The following ANO3 variants were observed in gnomAD, a reference collection of about 807,000 sequenced individuals.
ANO3 encodes anoctamin-3.
Under a neutral mutation model 144.8 loss-of-function variants are expected in ANO3, and 99 were observed. That is an observed-to-expected ratio of 0.68 (90% CI 0.58 to 0.81). The LOEUF (loss-of-function observed/expected upper bound fraction) is 0.81. Among genes scored for constraint, ANO3 ranks in the 30% least tolerant of loss-of-function variants. The pLI is 0.00. For synonymous variants in ANO3, 414 were observed against 392.6 expected (o/e 1.05, Z -0.64); for missense variants, 905 against 1,202.2 (o/e 0.75, Z 3.66).
chr11:26,474,175 A>G lies in ANO3; in HGVS notation c.432+11027A>G, dbSNP rs1354944554. 3.3e-6 allele frequency: 3 copies of G among 903,740 alleles called. No homozygotes were observed. In the African/African-American group the frequency reaches 5.4e-5, roughly 16 times the overall value. The allele number at this position is 903,740 out of a possible 1,614,324, so 56.0% of individuals were successfully genotyped here. On this transcript the variant is annotated intron_variant, in intron 4 of 26. Transcript: ENST00000256737. ...TCTAGGAATTCTATACTATTTTTCTATTTTCTTAAACATATGTAGAGAAGC... is the reference window on the plus strand; with the variant it reads ...TCTAGGAATTCTATACTATTTTTCTGTTTTCTTAAACATATGTAGAGAAGC...
At chr11:26,256,131 T>C (rs1343164831) in intron 1 of ANO3, among the ~76,000 whole-genome samples, 4 of 152,184 alleles carry the variant, frequency 2.6e-5, no homozygotes, top group Admixed American at 2.6e-4. Flanking sequence ...TTCCCTGTAC[T>C]GTGTAAGTTA....
In ANO3 at chr11:26,534,511, G is replaced by A. The variant is rs1372702859; in HGVS notation, c.925G>A (p.Val309Ile). 1 of 1,613,176 alleles carries A rather than the reference G, an allele frequency of 6.2e-7. No individual in the cohort carries two copies. The highest frequency in any genetic ancestry group is 1.1e-5 in the South Asian group (1 of 90,968). Reference sequence around the variant, plus strand: ...CAGCAATGCTACTCGAAGCAGAATAGTCTATCACATGCTGGAACGCACCAA... The same window carrying A: ...CAGCAATGCTACTCGAAGCAGAATAATCTATCACATGCTGGAACGCACCAA... ...FFSNATRSRI[V>I]YHMLERTKYE... Residue 309 changes from valine to isoleucine, a missense_variant, in exon 9 of 27, where the codon GTC (valine) becomes ATC (isoleucine). By Grantham distance (29) the Val-to-Ile change is conservative. Coordinates refer to ENST00000256737, the MANE Select transcript of ANO3 (RefSeq NM_031418.4).
chr11:26,446,876 C>T (rs1858719682), intron 3 of ANO3, among the ~76,000 whole-genome samples: 1 of 152,050 alleles, frequency 6.6e-6, no homozygotes, highest in African/African-American at 2.4e-5. Flanking sequence ...CTGCTGGGCC[C>T]AGAGAGATCT....
intron 4 of ANO3, among the ~76,000 whole-genome samples, chr11:26,481,916 C>T (rs956769591): frequency 6.6e-6 from 1 of 151,934 alleles, no homozygotes; most frequent in Admixed American, 6.6e-5. Context: ...TTTTTGGAGA[C>T]TATGTCTCAC....
intron 1 of ANO3, among the ~76,000 whole-genome samples, chr11:26,359,876 A>AGTGT (rs142194688): frequency 0.048 from 7,237 of 149,406 alleles, 408 homozygotes; most frequent in East Asian, 0.14. Context: ...ATGTCAGACT[A>AGTGT]GTGTGTGTGT....
chr11:26,557,888 G>A (rs1341910721), intron 13 of ANO3, among the ~76,000 whole-genome samples: 8 of 152,050 alleles, frequency 5.3e-5, no homozygotes, highest in African/African-American at 1.4e-4. Context: ...GATCTCCCAC[G>A]TCATAATACA....
chr11:26,635,458 A>T (rs1013237485), intron 20 of ANO3, among the ~76,000 whole-genome samples: 4 of 152,192 alleles, frequency 2.6e-5, no homozygotes, highest in African/African-American at 9.6e-5. Context: ...ATATAAAAGT[A>T]CCTGCCTAAG....
At chr11:26,502,338 A>G (rs1333199589) in intron 4 of ANO3, among the ~76,000 whole-genome samples, 1 of 152,118 alleles carries the variant, frequency 6.6e-6, no homozygotes, top group African/African-American at 2.4e-5. Context: ...TAATTCTACA[A>G]TGTTGGCAAC....
chr11:26,433,549 G>A (rs10767534), intron 1 of ANO3, among the ~76,000 whole-genome samples: 145,570 of 152,246 alleles, frequency 0.96, 69,764 homozygotes, highest in East Asian at 1. Flanking sequence ...GATGGCTCTT[G>A]TTATTTTAAA....
chr11:26,372,140 A>C (rs971184675), intron 1 of ANO3, among the ~76,000 whole-genome samples: 2 of 151,972 alleles, frequency 1.3e-5, no homozygotes, highest in Non-Finnish European at 2.9e-5. Context: ...TAATTGAATC[A>C]TGAGGGTGGT....
intron 5 of ANO3, among the ~76,000 whole-genome samples, chr11:26,513,065 G>GA (rs367977741): frequency 4.9e-4 from 73 of 149,816 alleles, no homozygotes; most frequent in South Asian, 4.2e-4. Flanking sequence ...AAATACTATA[G>GA]AAAAAAAAAG....
chr11:26,391,308 C>A (rs1856872894), intron 1 of ANO3, among the ~76,000 whole-genome samples: 2 of 151,984 alleles, frequency 1.3e-5, no homozygotes, highest in African/African-American at 4.8e-5. Flanking sequence ...AACCTGTTCC[C>A]TGGGTAACTC....
intron 23 of ANO3, among the ~76,000 whole-genome samples, chr11:26,645,849 C>A (rs1324363543): frequency 6.6e-6 from 1 of 151,976 alleles, no homozygotes; most frequent in East Asian, 1.9e-4. Context: ...ACATATACCC[C>A]AGAACCTAAA....
intron 10 of ANO3, among the ~76,000 whole-genome samples, chr11:26,541,719 T>C (rs983980851): frequency 4.6e-5 from 7 of 152,168 alleles, no homozygotes; most frequent in African/African-American, 1.4e-4. Flanking sequence ...TGGGTTCCAT[T>C]GTATTTTTTA....
At position 26,565,803 on chromosome 11, in the gene ANO3, G is replaced by C. The variant is rs293979; in HGVS notation, c.1447+6024G>C. The C allele has an allele frequency of 1.7e-3, 2,817 of 1,611,388 alleles. 48 individuals are homozygous for C. The African/African-American group carries it at 0.033, about 19-fold the overall frequency. ...TTGATTTTCTTTTCCATGGCTCCCC[G>C]ATAGAAGTGAATAAAACAACGTTGA... On this transcript the variant is annotated intron_variant, in intron 14 of 26. Coordinates refer to ENST00000256737, the MANE Select transcript of ANO3 (RefSeq NM_031418.4).
At chr11:26,641,836 C>T in intron 21 of ANO3, 60 bp from the exon 22 acceptor site, 1 of 1,519,310 alleles carries the variant, frequency 6.6e-7, no homozygotes, top group South Asian at 1.4e-5. Flanking sequence ...ATTCACTATA[C>T]ATTGTTAACC....
chr11:26,209,269 T>C (rs898095111), intron 1 of ANO3, among the ~76,000 whole-genome samples: 42 of 152,220 alleles, frequency 2.8e-4, no homozygotes, highest in African/African-American at 9.4e-4. Flanking sequence ...CCTGTGTTAG[T>C]TTGCTGAGAA....
At chr11:26,270,480 T>A (rs1262053695) in intron 1 of ANO3, among the ~76,000 whole-genome samples, 1 of 152,208 alleles carries the variant, frequency 6.6e-6, no homozygotes, top group African/African-American at 2.4e-5. Flanking sequence ...ATACTTTTAT[T>A]CTACGATCAA....
intron 17 of ANO3, among the ~76,000 whole-genome samples, chr11:26,602,028 A>C (rs752989814): frequency 1.3e-5 from 2 of 152,200 alleles, no homozygotes; most frequent in Non-Finnish European, 2.9e-5. Flanking sequence ...GAAAAAGGTC[A>C]TCTATTGCAC....
Sources: gnomAD v4.1 joint callset for allele counts (sites outside exome capture counted in the v4.1 genomes callset) on GRCh38, gnomAD v4.1.1 for gene constraint, MANE v1.5 for transcripts, NCBI Gene and HGNC (gene_info 2026-07-23, HGNC 2026-07-21) for gene names.